The following EXOC4 variants were observed in gnomAD, a reference collection of about 807,000 sequenced individuals.
EXOC4 encodes the protein exocyst complex component 4, also known as SEC8-like 1.
A neutral mutation model predicts 107.2 loss-of-function variants in EXOC4; 71 were observed. That is an observed-to-expected ratio of 0.66 (90% CI 0.55 to 0.81). The LOEUF (loss-of-function observed/expected upper bound fraction) is 0.81. EXOC4 is among the 30% of genes least tolerant of loss of function. EXOC4 has a pLI of 0.00. For synonymous variants in EXOC4, 456 were observed against 441.2 expected (o/e 1.03, Z -0.42); for missense variants, 1,108 against 1,189.6 (o/e 0.93, Z 1.01).
intron 10 of EXOC4, among the ~76,000 whole-genome samples, chr7:133,729,580 C>T (rs997351829): frequency 6.6e-6 from 1 of 152,096 alleles, no homozygotes; most frequent in Non-Finnish European, 1.5e-5. Flanking sequence ...ATTGTGCCTC[C>T]TGTGATTGAA....
intron 11 of EXOC4, among the ~76,000 whole-genome samples, chr7:133,825,552 C>T (rs1357627062): frequency 6.6e-6 from 1 of 152,152 alleles, no homozygotes; most frequent in Non-Finnish European, 1.5e-5. Flanking sequence ...AATTATACTG[C>T]TGCCCAAACC....
chr7:133,917,561 C>G (rs746655550), intron 12 of EXOC4, 22 bp from the exon 13 acceptor site: 1 of 1,611,086 alleles, frequency 6.2e-7, no homozygotes, highest in Non-Finnish European at 8.5e-7. Flanking sequence ...TACAGTGTCT[C>G]TTTTCTATTG....
At chr7:133,376,003 T>G (rs1044675606) in intron 7 of EXOC4, among the ~76,000 whole-genome samples, 1 of 152,174 alleles carries the variant, frequency 6.6e-6, no homozygotes, top group Non-Finnish European at 1.5e-5. Context: ...AAAAATTAAG[T>G]ATATGTGGGG....
rs560145405 is a variant in EXOC4 at position 133,645,587 on chromosome 7, A to G, written c.1514+15446A>G. On this transcript the variant is annotated intron_variant, in intron 10 of 17. Coordinates refer to ENST00000253861, the MANE Select transcript of EXOC4 (RefSeq NM_021807.4). ...AGCACACACTAGATTCTCAGTAAAT[A>G]TTTGGTGATTTTTATTTGGTAATGT... 5.3e-5 allele frequency among the ~76,000 whole-genome samples: 8 copies of G among 152,176 alleles called. No homozygotes were observed. In the East Asian group the frequency reaches 1.4e-3, roughly 26 times the overall value.
chr7:133,551,033 A>G (rs908488738), intron 9 of EXOC4, among the ~76,000 whole-genome samples: 1 of 152,098 alleles, frequency 6.6e-6, no homozygotes, highest in Admixed American at 6.6e-5. Flanking sequence ...CCTTCCTGAC[A>G]GCCTGTCCTA....
chr7:133,543,672 A>G (rs1029785833), intron 9 of EXOC4, among the ~76,000 whole-genome samples: 6 of 152,008 alleles, frequency 3.9e-5, no homozygotes, highest in South Asian at 2.1e-4. Flanking sequence ...GATCTTCTTT[A>G]GAAAAGAGTG....
At chr7:133,429,210 T>C (rs1307386294) in intron 7 of EXOC4, among the ~76,000 whole-genome samples, 4 of 152,132 alleles carry the variant, frequency 2.6e-5, no homozygotes, top group Admixed American at 6.5e-5. Context: ...AACATGACTT[T>C]TAATTTTTTT....
At chr7:133,953,919 A>G (rs1417818549) in intron 14 of EXOC4, among the ~76,000 whole-genome samples, 2 of 152,252 alleles carry the variant, frequency 1.3e-5, no homozygotes, top group Non-Finnish European at 2.9e-5. Context: ...ATAAGAGATG[A>G]CATGATAGCC....
chr7:133,780,050 G>T (rs1796430909), intron 10 of EXOC4, among the ~76,000 whole-genome samples: 1 of 152,152 alleles, frequency 6.6e-6, no homozygotes, highest in African/African-American at 2.4e-5. Flanking sequence ...GTGTGCTGGC[G>T]ATAAAAGCAG....
Position 133,844,378 on chromosome 7 carries a change from C to CTTTTTTTTTTTTTTTTTT in EXOC4, c.1734+26847_1734+26864dup, listed in dbSNP as rs761535651. Among the ~76,000 whole-genome samples the CTTTTTTTTTTTTTTTTTT allele has an allele frequency of 1.1e-4, 9 of 83,392 alleles. 1 individual carries two copies. Among genetic ancestry groups the CTTTTTTTTTTTTTTTTTT allele is most frequent in the African/African-American group, 5.2e-4 (9 of 17,354 alleles). The allele number at this position is 83,392 out of a possible 152,430, so 54.7% of individuals were successfully genotyped here. A position where few individuals can be genotyped will look rare whatever the true frequency, so the allele number is the denominator to read the frequency against. On this transcript the variant is annotated intron_variant, in intron 11 of 17. Transcript: ENST00000253861. ...TAATTTCTTGGATTCCCACATATTC[C>CTTTTTTTTTTTTTTTTTT]TTTTTTTTTTTTTTTTTTTTTTTTT...
intron 9 of EXOC4, among the ~76,000 whole-genome samples, chr7:133,529,224 T>C (rs2150920055): frequency 6.6e-6 from 1 of 152,334 alleles, no homozygotes; most frequent in African/African-American, 2.4e-5. Context: ...CTTTTTATTA[T>C]GTTTATGGTG....
chr7:134,029,700 T>G (rs1251370860), intron 17 of EXOC4, among the ~76,000 whole-genome samples: 1 of 152,112 alleles, frequency 6.6e-6, no homozygotes, highest in East Asian at 1.9e-4. Flanking sequence ...TTTAAAATTT[T>G]TGAAGAGACA....
chr7:133,391,013 A>G (rs941687116), intron 7 of EXOC4, among the ~76,000 whole-genome samples: 1 of 152,222 alleles, frequency 6.6e-6, no homozygotes, highest in Non-Finnish European at 1.5e-5. Context: ...GTAAGATTAT[A>G]TAGAAAATCT....
chr7:133,712,939 C>T (rs1420966), intron 10 of EXOC4, among the ~76,000 whole-genome samples: 149,785 of 152,348 alleles, frequency 0.98, 73,708 homozygotes, highest in Middle Eastern at 1. Context: ...TTGATGGTTG[C>T]CAGGGGCTAG....
rs150401741 is a variant in EXOC4, at chr7:133,283,487, A to T, written c.277-5435A>T. ...CGCTGCAGTGATCATGGGAGTGCAG[A>T]TATCTTTTTGACATATTGACTTCAA... is the stretch of plus-strand genomic sequence containing the variant. On this transcript the variant is annotated intron_variant, in intron 2 of 17. Coordinates refer to ENST00000253861, the MANE Select transcript of EXOC4 (RefSeq NM_021807.4). 6.3e-3 allele frequency among the ~76,000 whole-genome samples: 953 copies of T among 152,264 alleles called. 9 individuals carry two copies. Among genetic ancestry groups the T allele is most frequent in the African/African-American group, 0.022 (910 of 41,544 alleles).
In EXOC4 at chr7:133,253,137, C is replaced by A; in HGVS notation, c.36C>A (p.Ser12Arg). ...AAGCAGCTGGTGGGAAATACAGAAGCACAGTCAGCAAAAGCAAAGACCCCT... is the reference window on the plus strand; with the variant it reads ...AAGCAGCTGGTGGGAAATACAGAAGAACAGTCAGCAAAAGCAAAGACCCCT... ...AAEAAGGKYR[S>R]TVSKSKDPSG... The change falls in exon 1 of 18, where the codon AGC becomes AGA. Residue 12 changes from serine to arginine, a missense_variant. Coordinates refer to ENST00000253861, the MANE Select transcript of EXOC4 (RefSeq NM_021807.4). The A allele has an allele frequency of 6.2e-7, 1 of 1,614,188 alleles. No individual in the cohort carries two copies. Among genetic ancestry groups the A allele is most frequent in the South Asian group, 1.1e-5 (1 of 91,080 alleles).
chr7:133,898,553 G>GGACCATCCTT (rs1799374681), intron 12 of EXOC4, among the ~76,000 whole-genome samples: 1 of 151,748 alleles, frequency 6.6e-6, no homozygotes, highest in Non-Finnish European at 1.5e-5. Context: ...AGACCATCCT[G>GGACCATCCTT]GTTAACACGG....
intron 9 of EXOC4, among the ~76,000 whole-genome samples, chr7:133,581,585 C>T (rs538870894): frequency 6.0e-4 from 91 of 151,228 alleles, no homozygotes; most frequent in African/African-American, 2.0e-3. Context: ...GGTGAAACCC[C>T]GTCTCTACTA....
At chr7:134,062,171 A>G (rs1796076548) in intron 17 of EXOC4, among the ~76,000 whole-genome samples, 1 of 152,228 alleles carries the variant, frequency 6.6e-6, no homozygotes, top group African/African-American at 2.4e-5. Context: ...GGAGAGCTTC[A>G]TTAACTTACC....
Sources: allele counts gnomAD v4.1 joint callset (sites outside exome capture counted in the v4.1 genomes callset), GRCh38; gene constraint gnomAD v4.1.1; transcripts MANE v1.5; gene names NCBI Gene and HGNC (gene_info 2026-07-23, HGNC 2026-07-21).